The following STK31 variants were observed in gnomAD, a reference collection of about 807,000 sequenced individuals.
STK31 encodes the protein serine/threonine-protein kinase 31.
Under a neutral mutation model 129.7 loss-of-function variants are expected in STK31, and 89 were observed. The observed-to-expected ratio is 0.69, with a 90% CI of 0.58 to 0.82. The LOEUF (loss-of-function observed/expected upper bound fraction) is 0.82. Ranked by LOEUF, STK31 falls within the 40% of genes least tolerant of loss-of-function variation. The probability of loss-of-function intolerance (pLI) is 0.00; values close to 1 mark genes in which losing one functional copy is unlikely to be tolerated. For missense variants in STK31, 1,187 were observed against 1,176.4 expected, an observed-to-expected ratio of 1.01 and a Z score of -0.13; for synonymous variants, 448 against 395.3, an observed-to-expected ratio of 1.13 and a Z score of -1.58.
At chr7:23,779,971 C>T (rs1207987792) in intron 15 of STK31, among the ~76,000 whole-genome samples, 3 of 152,204 alleles carry the variant, frequency 2.0e-5, no homozygotes, top group African/African-American at 4.8e-5. Context: ...GTGATGTATG[C>T]ATCTGAGGGA....
chr7:23,727,932 T>A (rs1787186352), intron 5 of STK31, among the ~76,000 whole-genome samples: 1 of 152,102 alleles, frequency 6.6e-6, no homozygotes, highest in Non-Finnish European at 1.5e-5. Flanking sequence ...GCTTTATAAG[T>A]AGGAGAAGAA....
At chr7:23,726,331 C>G (rs937176117) in intron 4 of STK31, 1 of 142,616 alleles carries the variant, frequency 7.0e-6, no homozygotes, top group African/African-American at 2.7e-5. Context: ...CCACTCAACA[C>G]AGACTCATCT....
chr7:23,827,897 T>C lies in STK31; in HGVS notation c.2830-4239T>C, dbSNP rs560398323. 2.9e-3 allele frequency among the ~76,000 whole-genome samples: 439 copies of C among 152,342 alleles called. 3 individuals carry two copies. The highest frequency in any genetic ancestry group is 5.0e-3 in the Non-Finnish European group (342 of 68,024). On this transcript the variant is annotated intron_variant, in intron 23 of 23. Transcript: ENST00000355870. ...TTGTCTAGGTATCAGCAGTGGTGGC[T>C]GCAGAACAGTGGATACTGGTGAACC...
intron 4 of STK31, chr7:23,722,750 C>G (rs900673007): frequency 6.5e-6 from 1 of 152,840 alleles, no homozygotes; most frequent in Admixed American, 6.5e-5. Flanking sequence ...TCAAGCTTCC[C>G]GGTGGCTTTG....
intron 4 of STK31, among the ~76,000 whole-genome samples, chr7:23,720,134 A>G (rs1421517327): frequency 6.6e-6 from 1 of 152,184 alleles, no homozygotes; most frequent in Non-Finnish European, 1.5e-5. Flanking sequence ...TGTGATATTA[A>G]GTACAAAATG....
intron 22 of STK31, 23 bp downstream of exon 22, chr7:23,790,969 T>C (rs756524933): frequency 6.7e-7 from 1 of 1,500,254 alleles, no homozygotes; most frequent in South Asian, 1.4e-5. Flanking sequence ...TTTGTTGAAA[T>C]AGATCATATA....
At chr7:23,742,847 T>C (rs1410868986) in intron 8 of STK31, among the ~76,000 whole-genome samples, 1 of 152,188 alleles carries the variant, frequency 6.6e-6, no homozygotes, top group Non-Finnish European at 1.5e-5. Context: ...TTATTTTCTC[T>C]CTCACTCATT....
rs373033264 is a variant in STK31 at position 23,786,554 on chromosome 7, C to G, written c.2321C>G (p.Ala774Gly). The change falls in exon 19 of 24, where the codon GCA becomes GGA. Residue 774 changes from alanine to glycine, a missense_variant. This residue lies in a region of STK31 where 975 missense variants were observed against 934.9 expected (regional missense o/e 1.04). Coordinates refer to ENST00000355870, the MANE Select transcript of STK31 (RefSeq NM_031414.5). ...VDTEAKVIER[A>G]ATYHRAWREA... ...ACAGAAGCCAAGGTGATTGAGAGAG[C>G]AGCCACCTACCATAGAGCTTGGAGA... The G allele has an allele frequency of 2.5e-6, 4 of 1,613,566 alleles. No individual in the cohort carries two copies. The highest frequency in any genetic ancestry group is 2.2e-5 in the East Asian group (1 of 44,836).
At chr7:23,710,597 C>A in intron 1 of STK31, 1 of 1,310,026 alleles carries the variant, frequency 7.6e-7, no homozygotes, top group East Asian at 3.2e-5. Context: ...CTCTCTTCCC[C>A]TTCTCGAAAA....
At chr7:23,749,456 C>A (rs1233584580) in intron 8 of STK31, among the ~76,000 whole-genome samples, 19 of 151,136 alleles carry the variant, frequency 1.3e-4, no homozygotes, top group Non-Finnish European at 2.4e-4. Context: ...GATCCTCCCA[C>A]CTCAGCCTCC....
At chr7:23,712,391 T>C in intron 3 of STK31, 105 bp downstream of exon 3, 3 of 1,039,106 alleles carry the variant, frequency 2.9e-6, no homozygotes, top group South Asian at 2.9e-5. Flanking sequence ...GTCATTCTCA[T>C]TGCCTAATAT....
intron 22 of STK31, among the ~76,000 whole-genome samples, chr7:23,813,707 T>C (rs1486086728): frequency 6.6e-6 from 1 of 152,218 alleles, no homozygotes; most frequent in Non-Finnish European, 1.5e-5. Flanking sequence ...AAGGCTGAAC[T>C]GCCTGGTGCT....
At chr7:23,801,046 G>A (rs1169162907) in intron 22 of STK31, among the ~76,000 whole-genome samples, 1 of 152,166 alleles carries the variant, frequency 6.6e-6, no homozygotes, top group Non-Finnish European at 1.5e-5. Context: ...GTGAACGTAA[G>A]TTTTTGTTTC....
chr7:23,711,212 G>A (rs919099719), intron 1 of STK31, among the ~76,000 whole-genome samples: 1 of 152,096 alleles, frequency 6.6e-6, no homozygotes, highest in Non-Finnish European at 1.5e-5. Context: ...GCCGAGGTGG[G>A]CAAATCACAA....
At chr7:23,826,508 G>C (rs1293339508) in intron 23 of STK31, among the ~76,000 whole-genome samples, 1 of 152,026 alleles carries the variant, frequency 6.6e-6, no homozygotes, top group Non-Finnish European at 1.5e-5. Context: ...ACGTGAGATG[G>C]GTTTCCTGAA....
intron 11 of STK31, among the ~76,000 whole-genome samples, chr7:23,765,558 C>CTTTTTTTTTTT (rs10677070): frequency 7.7e-6 from 1 of 129,604 alleles, no homozygotes; most frequent in Non-Finnish European, 1.6e-5. Flanking sequence ...ACCTCTTATA[C>CTTTTTTTTTTT]TTTTTTTTTT....
chr7:23,798,552 C>A (rs1228098712), intron 22 of STK31, among the ~76,000 whole-genome samples: 1 of 151,802 alleles, frequency 6.6e-6, no homozygotes, highest in East Asian at 1.9e-4. Context: ...AATTCAACAC[C>A]CTTCATGCTA....
intron 23 of STK31, 81 bp from the exon 24 acceptor site, chr7:23,832,055 G>GA: frequency 1.0e-6 from 1 of 998,810 alleles, no homozygotes; most frequent in South Asian, 1.5e-5. Context: ...TGTATTTATT[G>GA]AAAAAATAAG....
chr7:23,828,728 C>T (rs2128133779), intron 23 of STK31, among the ~76,000 whole-genome samples: 1 of 152,320 alleles, frequency 6.6e-6, no homozygotes, highest in African/African-American at 2.4e-5. Flanking sequence ...ATTCGGCCAT[C>T]TTGGCTCCAC....
Sources: gnomAD v4.1 joint callset for allele counts (sites outside exome capture counted in the v4.1 genomes callset) on GRCh38, gnomAD v4.1.1 for gene constraint, gnomAD v4.1.1 regional missense constraint, MANE v1.5 for transcripts, NCBI Gene and HGNC (gene_info 2026-07-23, HGNC 2026-07-21) for gene names.